The following GTF2IRD1 variants were observed in gnomAD, a reference collection of about 807,000 sequenced individuals.
The protein encoded by GTF2IRD1 is general transcription factor II-I repeat domain-containing protein 1.
In GTF2IRD1, 26 loss-of-function variants were observed where a neutral mutation model predicts 113.2. The ratio of observed to expected loss-of-function variants is 0.23; its 90% CI spans 0.17 to 0.32. The LOEUF is 0.32. GTF2IRD1 is among the 10% of genes least tolerant of loss of function. The probability of loss-of-function intolerance (pLI) is 1.00; values close to 1 mark genes in which losing one functional copy is unlikely to be tolerated. For synonymous variants in GTF2IRD1, 484 were observed against 529.1 expected, an observed-to-expected ratio of 0.91 and a Z score of 1.17; for missense variants, 864 against 1,280.8, an observed-to-expected ratio of 0.67 and a Z score of 4.97.
intron 19 of GTF2IRD1, among the ~76,000 whole-genome samples, chr7:74,556,572 T>C (rs1467602240): frequency 6.7e-6 from 1 of 148,526 alleles, no homozygotes; most frequent in Non-Finnish European, 1.5e-5. Context: ...TCTGCCCACC[T>C]CAGCCTCCCA....
At chr7:74,494,262 C>T (rs1373641371) in intron 1 of GTF2IRD1, among the ~76,000 whole-genome samples, 3 of 152,266 alleles carry the variant, frequency 2.0e-5, no homozygotes, top group Admixed American at 1.3e-4. Context: ...AGCAAGATCC[C>T]GTTTCTAAAT....
At chr7:74,528,256 G>T (rs1477099604) in intron 8 of GTF2IRD1, among the ~76,000 whole-genome samples, 1 of 152,204 alleles carries the variant, frequency 6.6e-6, no homozygotes, top group Admixed American at 6.6e-5. Context: ...TGTCACCCAG[G>T]CTGGAGTGTA....
intron 4 of GTF2IRD1, among the ~76,000 whole-genome samples, chr7:74,515,834 T>C (rs782047542): frequency 3.3e-5 from 5 of 152,188 alleles, no homozygotes; most frequent in Non-Finnish European, 7.3e-5. Flanking sequence ...CTCAAGTCAC[T>C]GCCACCTCTC....
intron 4 of GTF2IRD1, among the ~76,000 whole-genome samples, chr7:74,517,397 C>G (rs983909293): frequency 2.0e-5 from 3 of 149,920 alleles, no homozygotes; most frequent in Admixed American, 6.7e-5. Context: ...TCTCTCCCCC[C>G]TCTCGGTCTC....
intron 17 of GTF2IRD1, among the ~76,000 whole-genome samples, chr7:74,554,377 C>T (rs1799480393): frequency 6.6e-6 from 1 of 152,180 alleles, no homozygotes; most frequent in Non-Finnish European, 1.5e-5. Context: ...ACAGGGCTTT[C>T]TGGAGTCTGT....
rs13238119 is a variant in GTF2IRD1, at chr7:74,521,038, G to A, written c.917-170G>A. ...GCAGATTCTGGTGCAGAATGTCTTA[G>A]ACCTCTGGTCAGGGGCCTTGCCTTG... is the stretch of plus-strand genomic sequence containing the variant. On this transcript the variant is annotated intron_variant, in intron 6 of 26. Coordinates refer to ENST00000424337, the MANE Select transcript of GTF2IRD1 (RefSeq NM_005685.4). Among the ~76,000 whole-genome samples the A allele has an allele frequency of 1.1e-4, 17 of 152,028 alleles. No homozygotes were observed. In the South Asian group the frequency reaches 3.3e-3, roughly 30 times the overall value.
chr7:74,590,538 G>T (rs1403273430), intron 23 of GTF2IRD1, among the ~76,000 whole-genome samples: 3 of 151,940 alleles, frequency 2.0e-5, no homozygotes, highest in African/African-American at 7.3e-5. Context: ...ACAGGTGCCC[G>T]CCACCACGCC....
chr7:74,458,285 G>A (rs1554327972), intron 1 of GTF2IRD1, among the ~76,000 whole-genome samples: 2 of 152,132 alleles, frequency 1.3e-5, no homozygotes, highest in South Asian at 4.2e-4. Context: ...AGGTGGAGTG[G>A]TGGGAAGGAT....
chr7:74,510,970 G>A, intron 2 of GTF2IRD1, among the ~76,000 whole-genome samples: 1 of 151,790 alleles, frequency 6.6e-6, no homozygotes, highest in East Asian at 1.9e-4. Flanking sequence ...AATCGCCTGA[G>A]CCTGGGAGGC....
At chr7:74,496,273 TG>T (rs1795668629) in intron 1 of GTF2IRD1, among the ~76,000 whole-genome samples, 2 of 142,620 alleles carry the variant, frequency 1.4e-5, no homozygotes, top group Admixed American at 1.4e-4. Context: ...TGCATGTGAG[TG>T]GGTATGCGTG....
chr7:74,493,637 T>C (rs923024025), intron 1 of GTF2IRD1, among the ~76,000 whole-genome samples: 1 of 152,054 alleles, frequency 6.6e-6, no homozygotes, highest in Admixed American at 6.6e-5. Context: ...GTAGACAGGT[T>C]CTCCTGTGAT....
chr7:74,556,201 G>A (rs371933724), intron 19 of GTF2IRD1, among the ~76,000 whole-genome samples: 4 of 151,414 alleles, frequency 2.6e-5, no homozygotes, highest in South Asian at 4.2e-4. Context: ...GCAGTGAGCC[G>A]AGATCATGCC....
At chr7:74,581,455 TGAAG>T (rs1250266965) in intron 22 of GTF2IRD1, among the ~76,000 whole-genome samples, 1 of 152,234 alleles carries the variant, frequency 6.6e-6, no homozygotes, top group African/African-American at 2.4e-5. Context: ...ACCCTGGCCT[TGAAG>T]GGCCCGGTAT....
At chr7:74,514,180 A>G (rs6967002) in intron 3 of GTF2IRD1, among the ~76,000 whole-genome samples, 66 of 152,078 alleles carry the variant, frequency 4.3e-4, no homozygotes, top group Non-Finnish European at 7.6e-4. Flanking sequence ...TTCACACTCA[A>G]TAGACACCAG....
At chr7:74,524,446 C>T (rs1325097834) in intron 8 of GTF2IRD1, among the ~76,000 whole-genome samples, 4 of 152,070 alleles carry the variant, frequency 2.6e-5, no homozygotes, top group African/African-American at 7.2e-5. Flanking sequence ...ATCTGGGGGC[C>T]GGGCGCAGTG....
chr7:74,516,632 A>G (rs1384259093), intron 4 of GTF2IRD1, among the ~76,000 whole-genome samples: 1 of 152,096 alleles, frequency 6.6e-6, no homozygotes, highest in African/African-American at 2.4e-5. Flanking sequence ...CTGTGAGGAA[A>G]CTTCTGCTGT....
At chr7:74,594,602 C>CCAG (rs1377501621) in intron 24 of GTF2IRD1, among the ~76,000 whole-genome samples, 2 of 151,980 alleles carry the variant, frequency 1.3e-5, no homozygotes, top group South Asian at 2.1e-4. Flanking sequence ...CCAGGCTCCC[C>CCAG]CAGCAGCAGC....
intron 11 of GTF2IRD1, 95 bp downstream of exon 11, chr7:74,536,370 C>A: frequency 1.5e-6 from 1 of 686,386 alleles, no homozygotes; most frequent in Non-Finnish European, 2.6e-6. Flanking sequence ...GCGGCTCCCA[C>A]CACACCACCA....
At chr7:74,589,352 G>A (rs1274533480) in intron 22 of GTF2IRD1, among the ~76,000 whole-genome samples, 27 of 151,564 alleles carry the variant, frequency 1.8e-4, no homozygotes, top group African/African-American at 6.1e-4. Flanking sequence ...GAGCAAGACC[G>A]TGTCTCAAAA....
Sources: allele counts gnomAD v4.1 joint callset (sites outside exome capture counted in the v4.1 genomes callset), GRCh38; gene constraint gnomAD v4.1.1; transcripts MANE v1.5; gene names NCBI Gene and HGNC (gene_info 2026-07-23, HGNC 2026-07-21).